The following GBX1 variants were observed in gnomAD, a reference collection of about 807,000 sequenced individuals.
GBX1 encodes homeobox protein GBX-1.
In GBX1, 9 loss-of-function variants were observed where a neutral mutation model predicts 22.9. The ratio of observed to expected loss-of-function variants is 0.39; its 90% CI spans 0.24 to 0.69. The LOEUF (loss-of-function observed/expected upper bound fraction) is 0.69, where lower values mean the gene tolerates loss of function less well. Among genes scored for constraint, GBX1 ranks in the 30% least tolerant of loss-of-function variants. The pLI is 0.43. For missense variants in GBX1, 494 were observed against 509.2 expected, an observed-to-expected ratio of 0.97 and a Z score of 0.29; for synonymous variants, 203 against 227.3, an observed-to-expected ratio of 0.89 and a Z score of 0.96.
Position 151,167,279 on chromosome 7 carries a change from C to T in GBX1, c.270G>A (p.Gly90=). 6.5e-7 allele frequency: 1 copy of T among 1,537,300 alleles called. No individual in the cohort carries two copies. Among genetic ancestry groups the T allele is most frequent in the Non-Finnish European group, 8.7e-7 (1 of 1,145,036 alleles). Residue 90 remains glycine, a synonymous_variant, in exon 1 of 2, where the codon GGG becomes GGA. Coordinates refer to ENST00000297537, the MANE Select transcript of GBX1 (RefSeq NM_001098834.3). This position sits in a 1 kb window ranked among gnomAD's most constrained non-coding sequence, Gnocchi z 5.9. The part of the protein sequence containing the change: ...AGRLTNTFCA[G]LGQAVPSMVA... ...CCATCGAGGGCACAGCCTGACCCAG[C>T]CCCGCGCAGAAGGTGTTGGTAAGGC... is the stretch of plus-strand genomic sequence containing the variant.
intron 1 of GBX1, among the ~76,000 whole-genome samples, chr7:151,161,332 C>T (rs1489526770): frequency 6.6e-6 from 1 of 152,134 alleles, no homozygotes; most frequent in African/African-American, 2.4e-5. Context: ...ACCTTAGAGA[C>T]TCTTTCTCTC....
intron 1 of GBX1, among the ~76,000 whole-genome samples, chr7:151,164,457 C>A (rs1801226698): frequency 6.6e-6 from 1 of 152,176 alleles, no homozygotes; most frequent in Admixed American, 6.6e-5. Context: ...TCTGGAAAAA[C>A]TCAAGATTGG....
At chr7:151,165,777 C>T (rs559236278) in intron 1 of GBX1, among the ~76,000 whole-genome samples, 29 of 152,340 alleles carry the variant, frequency 1.9e-4, no homozygotes, top group Admixed American at 7.2e-4. Context: ...GGCCCCATGG[C>T]AGCCTTTGGG....
chr7:151,164,007 A>C (rs1037238653), intron 1 of GBX1, among the ~76,000 whole-genome samples: 38 of 152,280 alleles, frequency 2.5e-4, no homozygotes, highest in Middle Eastern at 6.8e-3. Context: ...CCTCAGTTCT[A>C]GTAGAGAATG....
At position 151,164,776 on chromosome 7, in the gene GBX1, CTTTTTTT is replaced by C. The variant is rs71533521; in HGVS notation, c.538+2228_538+2234del. ...CTCCAAGAACAACACAAATTTCCCTCTTTTTTTTTTTTTTTTTTTTGCTTTCAACATT... is the reference window on the plus strand; with the variant it reads ...CTCCAAGAACAACACAAATTTCCCTCTTTTTTTTTTTTTGCTTTCAACATT... On this transcript the variant is annotated intron_variant, in intron 1 of 1. Transcript: ENST00000297537. Among the ~76,000 whole-genome samples the C allele has an allele frequency of 9.5e-3, 994 of 104,424 alleles. 7 individuals carry two copies. The highest frequency in any genetic ancestry group is 0.02 in the Middle Eastern group (3 of 148). The allele number at this position is 104,424 out of a possible 152,430, so 68.5% of individuals were successfully genotyped here.
intron 1 of GBX1, among the ~76,000 whole-genome samples, chr7:151,152,383 T>A (rs1251975836): frequency 6.6e-6 from 1 of 152,186 alleles, no homozygotes; most frequent in Non-Finnish European, 1.5e-5. Context: ...TGGAGAGGAA[T>A]TCATATGCAG....
At chr7:151,154,773 G>T (rs1454088588) in intron 1 of GBX1, among the ~76,000 whole-genome samples, 2 of 152,204 alleles carry the variant, frequency 1.3e-5, no homozygotes, top group Non-Finnish European at 2.9e-5. Flanking sequence ...CTAAGAGGAA[G>T]GGGAGCAGCT....
At chr7:151,153,562 T>C (rs1014237042) in intron 1 of GBX1, among the ~76,000 whole-genome samples, 7 of 149,352 alleles carry the variant, frequency 4.7e-5, no homozygotes, top group Non-Finnish European at 9.0e-5. Context: ...TTTTTTTTTT[T>C]CCTGAGACAG....
At chr7:151,162,691 G>A (rs981192396) in intron 1 of GBX1, among the ~76,000 whole-genome samples, 1 of 151,922 alleles carries the variant, frequency 6.6e-6, no homozygotes, top group Non-Finnish European at 1.5e-5. Flanking sequence ...AAATATATAT[G>A]GAGTAGCTAC....
intron 1 of GBX1, among the ~76,000 whole-genome samples, chr7:151,151,901 C>T (rs1241601500): frequency 6.6e-6 from 1 of 152,178 alleles, no homozygotes; most frequent in East Asian, 1.9e-4. Context: ...TAGCTTATTC[C>T]CTACCTCTTT....
chr7:151,155,153 C>T (rs1432699077), intron 1 of GBX1, among the ~76,000 whole-genome samples: 1 of 152,222 alleles, frequency 6.6e-6, no homozygotes, highest in Admixed American at 6.5e-5. Flanking sequence ...TATCCTAACA[C>T]TTGCCCCAAC....
intron 1 of GBX1, among the ~76,000 whole-genome samples, chr7:151,160,416 A>T (rs1801177802): frequency 1.3e-5 from 2 of 152,162 alleles, no homozygotes; most frequent in South Asian, 4.1e-4. Context: ...TTATAATATC[A>T]TCTTCTCCAT....
At chr7:151,164,748 T>G (rs1022433057) in intron 1 of GBX1, among the ~76,000 whole-genome samples, 1 of 150,466 alleles carries the variant, frequency 6.6e-6, no homozygotes, top group Non-Finnish European at 1.5e-5. Flanking sequence ...TTCCTTGCCT[T>G]TACTCCAAGA....
intron 1 of GBX1, among the ~76,000 whole-genome samples, chr7:151,158,389 A>C (rs1801158273): frequency 6.6e-6 from 1 of 152,224 alleles, no homozygotes; most frequent in South Asian, 2.1e-4. Flanking sequence ...TTAACATCAA[A>C]TTGAAATGAA....
chr7:151,166,822 G>A (rs867530947), intron 1 of GBX1, among the ~76,000 whole-genome samples, 189 bp downstream of exon 1: 3 of 152,222 alleles, frequency 2.0e-5, no homozygotes, highest in African/African-American at 7.2e-5. Context: ...ACAGAGCAGG[G>A]CGGGGGTTCT....
At chr7:151,160,632 C>T (rs1584804712) in intron 1 of GBX1, among the ~76,000 whole-genome samples, 1 of 152,338 alleles carries the variant, frequency 6.6e-6, no homozygotes, top group Non-Finnish European at 1.5e-5. Flanking sequence ...CTGCTTGCAG[C>T]ACCTGTCTCT....
chr7:151,150,532 C>T (rs181921880), intron 1 of GBX1, among the ~76,000 whole-genome samples: 4 of 152,084 alleles, frequency 2.6e-5, no homozygotes, highest in African/African-American at 7.2e-5. Context: ...ATTCAGGGCA[C>T]GGGGAAAGGC....
chr7:151,156,144 G>A (rs1801130481), intron 1 of GBX1, among the ~76,000 whole-genome samples: 1 of 152,018 alleles, frequency 6.6e-6, no homozygotes, highest in Non-Finnish European at 1.5e-5. Flanking sequence ...AGCACTTTGG[G>A]AAGCCAAGGC....
intron 1 of GBX1, among the ~76,000 whole-genome samples, chr7:151,157,626 G>A (rs567222866): frequency 4.9e-4 from 74 of 152,244 alleles, no homozygotes; most frequent in African/African-American, 1.6e-3. Flanking sequence ...GTAGACATCC[G>A]TTTTGGGTTG....
Sources: gnomAD v4.1 joint callset for allele counts (sites outside exome capture counted in the v4.1 genomes callset) on GRCh38, gnomAD v4.1.1 for gene constraint, Gnocchi (gnomAD v3.1) non-coding constraint, MANE v1.5 for transcripts, NCBI Gene and HGNC (gene_info 2026-07-23, HGNC 2026-07-21) for gene names.